AP1G1: variants seen among roughly 807,000 people sequenced by gnomAD.
The protein encoded by AP1G1 is adaptor related protein complex 1 subunit gamma 1.
Under a neutral mutation model 108.3 loss-of-function variants are expected in AP1G1, and 7 were observed. The observed-to-expected ratio is 0.06, with a 90% confidence interval of 0.04 to 0.12. AP1G1 has a LOEUF of 0.12. Among genes scored for constraint, AP1G1 ranks in the 10% least tolerant of loss-of-function variants. The probability of loss-of-function intolerance (pLI) is 1.00; values close to 1 mark genes in which losing one functional copy is unlikely to be tolerated. For missense variants in AP1G1, 756 were observed against 1,010.7 expected (o/e 0.75, Z 3.42); for synonymous variants, 379 against 353.5 (o/e 1.07, Z -0.81).
chr16:71,779,581 T>C (rs542091308), intron 2 of AP1G1, among the ~76,000 whole-genome samples: 33 of 152,120 alleles, frequency 2.2e-4, no homozygotes, highest in Non-Finnish European at 4.4e-4. Flanking sequence ...CTTCAAGTGA[T>C]CTGCCCACCT....
intron 1 of AP1G1, among the ~76,000 whole-genome samples, chr16:71,793,090 G>T (rs1159972685): frequency 6.6e-6 from 1 of 151,640 alleles, no homozygotes; most frequent in East Asian, 1.9e-4. Flanking sequence ...GATGACCTGA[G>T]CCTAGGAGTG....
At chr16:71,735,940 G>T (rs1226063769) in intron 21 of AP1G1, among the ~76,000 whole-genome samples, 15 of 149,686 alleles carry the variant, frequency 1.0e-4, no homozygotes. Context: ...AGATTAGTCT[G>T]GTCAACATGG....
At chr16:71,746,806 T>C in intron 16 of AP1G1, 114 bp from the exon 17 acceptor site, 2 of 692,190 alleles carry the variant, frequency 2.9e-6, no homozygotes. Flanking sequence ...TACTCATTTT[T>C]TCTTAATTTA....
intron 13 of AP1G1, 42 bp from the exon 14 acceptor site, chr16:71,750,374 A>C: frequency 6.2e-7 from 1 of 1,608,448 alleles, no homozygotes; most frequent in Non-Finnish European, 8.5e-7. Flanking sequence ...AACACACAGA[A>C]ATGATGATAA....
At chr16:71,760,838 C>A (rs564470755) in intron 10 of AP1G1, among the ~76,000 whole-genome samples, 1 of 152,264 alleles carries the variant, frequency 6.6e-6, no homozygotes, top group Non-Finnish European at 1.5e-5. Context: ...TGAACCACTA[C>A]GCCTAGCTTC....
chr16:71,808,171 A>G lies in AP1G1; in HGVS notation c.-4+592T>C, dbSNP rs1032358696. 6 of 1,125,382 alleles carry G rather than the reference A, an allele frequency of 5.3e-6. No individual in the cohort carries two copies. In the African/African-American group the frequency reaches 1.0e-4, roughly 19 times the overall value. 69.7% of individuals were successfully genotyped at this position (1,125,382 alleles called of 1,614,324 possible). A position where few individuals can be genotyped will look rare whatever the true frequency, so the allele number is the denominator to read the frequency against. On this transcript the variant is annotated intron_variant, in intron 1 of 22. Transcript: ENST00000299980. ...AGGAGCTGAGAAAAGGGTAAACAGT[A>G]TACTCGCAGGTAGGTTGAAAAAAAC... is the stretch of plus-strand genomic sequence containing the variant.
intron 1 of AP1G1, among the ~76,000 whole-genome samples, chr16:71,803,763 A>G (rs2032892387): frequency 6.6e-6 from 1 of 152,012 alleles, no homozygotes; most frequent in Admixed American, 6.6e-5. Context: ...TGTCTCTACT[A>G]AAAATACAAA....
chr16:71,768,435 A>G (rs2031408023), intron 6 of AP1G1, among the ~76,000 whole-genome samples: 1 of 133,482 alleles, frequency 7.5e-6, no homozygotes, highest in Non-Finnish European at 1.5e-5. Flanking sequence ...CAGGAGGTGG[A>G]GGTTGCAGTG....
At chr16:71,780,634 T>C (rs2031978953) in intron 2 of AP1G1, among the ~76,000 whole-genome samples, 1 of 152,062 alleles carries the variant, frequency 6.6e-6, no homozygotes. Context: ...CTTTATTTAT[T>C]TTATTTTTTT....
chr16:71,803,662 T>C (rs924353294), intron 1 of AP1G1, among the ~76,000 whole-genome samples: 4 of 152,120 alleles, frequency 2.6e-5, no homozygotes, highest in African/African-American at 7.2e-5. Context: ...ACCTCATTCA[T>C]GCCTGTAATC....
intron 10 of AP1G1, among the ~76,000 whole-genome samples, chr16:71,760,671 A>G (rs556584979): frequency 6.6e-6 from 1 of 152,018 alleles, no homozygotes; most frequent in African/African-American, 2.4e-5. Flanking sequence ...CAGCCTCCTG[A>G]GTAGCTGGGA....
chr16:71,766,796 G>A (rs1248331515), intron 6 of AP1G1, among the ~76,000 whole-genome samples: 1 of 152,156 alleles, frequency 6.6e-6, no homozygotes, highest in African/African-American at 2.4e-5. Context: ...AACACAGTAT[G>A]TAAGAATTTA....
In AP1G1 at chr16:71,764,635, G is replaced by C. The variant is rs1208004151; in HGVS notation, c.819+11C>G. On this transcript the variant is annotated intron_variant, in intron 8 of 22. Transcript: ENST00000299980. ...AAATAAATATATATTTAATATGTTT[G>C]GTCTACTCACCTGTGCTAATATATC... 6.4e-7 allele frequency: 1 copy of C among 1,554,592 alleles called. No homozygotes were observed. The highest frequency in any genetic ancestry group is 1.2e-5 in the South Asian group (1 of 82,270).
At position 71,753,876 on chromosome 16, in the gene AP1G1, G is replaced by T; in HGVS notation, c.1241C>A (p.Ser414Tyr). ...IFLAAEKYAP[S>Y]KRWHIDTIMR... The stretch of plus-strand genomic sequence containing the variant: ...AATTGTGTCTATATGCCATCGTTTG[G>T]AAGGTGCATACCTGAAAAAAACAAT... Residue 414 changes from serine (S) to tyrosine (Y), a missense_variant, in exon 13 of 23, where the codon TCC becomes TAC. Coordinates refer to ENST00000299980, the MANE Select transcript of AP1G1 (RefSeq NM_001128.6). 6.2e-7 allele frequency: 1 copy of T among 1,614,004 alleles called. No homozygotes were observed. Among genetic ancestry groups the T allele is most frequent in the Non-Finnish European group, 8.5e-7 (1 of 1,179,934 alleles).
intron 2 of AP1G1, among the ~76,000 whole-genome samples, chr16:71,776,999 C>T (rs909884143): frequency 1.4e-5 from 2 of 147,620 alleles, no homozygotes; most frequent in African/African-American, 2.5e-5. Flanking sequence ...ATCCCAGCTA[C>T]TCGGGAGGCT....
At chr16:71,747,803 G>A (rs1443479662) in intron 16 of AP1G1, among the ~76,000 whole-genome samples, 2 of 151,932 alleles carry the variant, frequency 1.3e-5, no homozygotes, top group Admixed American at 6.6e-5. Flanking sequence ...GCAAACAAAC[G>A]AAACACTTTC....
intron 6 of AP1G1, 132 bp downstream of exon 6, chr16:71,769,491 T>C (rs772359400): frequency 2.0e-5 from 17 of 847,044 alleles, no homozygotes; most frequent in Non-Finnish European, 3.2e-5. Flanking sequence ...GCCAATTGCA[T>C]AGCAGGGCTA....
intron 21 of AP1G1, among the ~76,000 whole-genome samples, chr16:71,735,802 T>C (rs1050134029): frequency 6.6e-6 from 1 of 151,986 alleles, no homozygotes; most frequent in Non-Finnish European, 1.5e-5. Flanking sequence ...TAGTCTTCTC[T>C]AGGGCCAAAA....
intron 11 of AP1G1, chr16:71,758,601 T>A: frequency 1.6e-6 from 1 of 607,628 alleles, no homozygotes. Flanking sequence ...TTGGCCTCCT[T>A]AACAACCTAA....
Sources: gnomAD v4.1 joint callset for allele counts (sites outside exome capture counted in the v4.1 genomes callset) on GRCh38, gnomAD v4.1.1 for gene constraint, MANE v1.5 for transcripts, NCBI Gene and HGNC (gene_info 2026-07-23, HGNC 2026-07-21) for gene names.